The following ABHD18 variants were observed in gnomAD, a reference collection of about 807,000 sequenced individuals.
ABHD18 encodes the protein cardiolipin-specific deacylase, mitochondrial.
A neutral mutation model predicts 65.9 loss-of-function variants in ABHD18; 55 were observed. The ratio of observed to expected loss-of-function variants is 0.84; its 90% CI spans 0.67 to 1.05. The LOEUF is 1.05. Ranked by LOEUF, ABHD18 falls within the 50% of genes least tolerant of loss-of-function variation. The pLI, the probability that ABHD18 is intolerant of heterozygous loss-of-function variation, is 0.00. For synonymous variants in ABHD18, 181 were observed against 180.2 expected (o/e 1.00, Z -0.04); for missense variants, 533 against 558.5 (o/e 0.95, Z 0.46).
At chr4:128,012,563 A>G (rs949060454) in intron 7 of ABHD18, among the ~76,000 whole-genome samples, 2 of 152,202 alleles carry the variant, frequency 1.3e-5, no homozygotes, top group African/African-American at 2.4e-5. Context: ...ATATTTATCA[A>G]TGACCAGTGA....
chr4:127,999,113 A>T (rs1269245616), intron 4 of ABHD18, among the ~76,000 whole-genome samples: 1 of 151,910 alleles, frequency 6.6e-6, no homozygotes. Flanking sequence ...GTGAAACCAC[A>T]TTTCTACTAA....
chr4:127,978,644 ATT>A (rs1408788568), intron 1 of ABHD18, among the ~76,000 whole-genome samples: 3 of 152,194 alleles, frequency 2.0e-5, no homozygotes, highest in Non-Finnish European at 4.4e-5. Flanking sequence ...TTGCATACCA[ATT>A]ATTTGAGGTA....
intron 7 of ABHD18, among the ~76,000 whole-genome samples, chr4:128,014,516 A>G (rs1412768815): frequency 1.3e-5 from 2 of 152,218 alleles, no homozygotes; most frequent in Non-Finnish European, 2.9e-5. Context: ...TCTTCCATGT[A>G]GAAGTGTTGT....
intron 1 of ABHD18, among the ~76,000 whole-genome samples, chr4:127,967,930 TCAAA>T (rs1745977026): frequency 1.3e-5 from 2 of 152,248 alleles, no homozygotes; most frequent in East Asian, 3.9e-4. Context: ...CACACCCCTT[TCAAA>T]CAAACAGCCG....
chr4:128,023,533 A>G (rs1023348329), intron 10 of ABHD18, among the ~76,000 whole-genome samples: 6 of 149,778 alleles, frequency 4.0e-5, no homozygotes, highest in Non-Finnish European at 5.9e-5. Flanking sequence ...GCAGTGAGCT[A>G]TGATTGTGTC....
At position 128,036,823 on chromosome 4, in the gene ABHD18, A is replaced by T. The variant is rs1242927241; in HGVS notation, c.*1010A>T. 1 of 151,802 alleles carries T rather than the reference A, an allele frequency of 6.6e-6. No homozygotes were observed. Among genetic ancestry groups the T allele is most frequent in the Non-Finnish European group, 1.5e-5 (1 of 67,984 alleles). The allele number at this position is 151,802 out of a possible 1,614,324, so 9.4% of individuals were successfully genotyped here. A position where few individuals can be genotyped will look rare whatever the true frequency, so the allele number is the denominator to read the frequency against. On this transcript the variant is annotated 3_prime_UTR_variant, in exon 13 of 13. Transcript: ENST00000645843. ...AACTTTACTAAAGATTAGGGTTTTTAAAAAATGCCAATAGGCCGGGTGCAG... is the reference window on the plus strand; with the variant it reads ...AACTTTACTAAAGATTAGGGTTTTTTAAAAATGCCAATAGGCCGGGTGCAG...
Position 127,966,613 on chromosome 4 carries a change from C to T in ABHD18, c.-18+1007C>T, listed in dbSNP as rs1423974260. On this transcript the variant is annotated intron_variant, in intron 1 of 12. Coordinates refer to ENST00000645843, the MANE Select transcript of ABHD18 (RefSeq NM_001358451.3). ...ATGGTTCATGCCTGTAATCCCAGCA[C>T]CTTGGGAGGCCAAGGCGGGCGGATC... Among the ~76,000 whole-genome samples, 7 of 147,400 alleles carry T rather than the reference C, an allele frequency of 4.7e-5. No homozygotes were observed. The Admixed American group carries it at 4.9e-4, about 10-fold the overall frequency.
At chr4:127,967,923 A>T (rs1745974316) in intron 1 of ABHD18, among the ~76,000 whole-genome samples, 1 of 152,008 alleles carries the variant, frequency 6.6e-6, no homozygotes, top group African/African-American at 2.4e-5. Context: ...ATTTACCCAC[A>T]CCCCTTTCAA....
At chr4:127,993,389 T>C (rs17012845) in intron 4 of ABHD18, among the ~76,000 whole-genome samples, 4,445 of 152,304 alleles carry the variant, frequency 0.029, 201 homozygotes, top group African/African-American at 0.1. Context: ...GTCTCTGCAG[T>C]GGCATATTTT....
intron 4 of ABHD18, among the ~76,000 whole-genome samples, chr4:127,994,751 G>A (rs1751471135): frequency 6.6e-6 from 1 of 152,116 alleles, no homozygotes; most frequent in African/African-American, 2.4e-5. Flanking sequence ...ATATTCCTTT[G>A]AGGATAGTTT....
Position 128,038,891 on chromosome 4 carries a change from CA to C in ABHD18, c.*3080del, listed in dbSNP as rs1759094492. The C allele has an allele frequency of 6.6e-6, 1 of 151,962 alleles. No individual in the cohort carries two copies. Among genetic ancestry groups the C allele is most frequent in the African/African-American group, 2.4e-5 (1 of 41,380 alleles). 9.4% of individuals were successfully genotyped at this position (151,962 alleles called of 1,614,324 possible). A position where few individuals can be genotyped will look rare whatever the true frequency, so the allele number is the denominator to read the frequency against. ...TGCCATTGCACTCCAGCCTGGGCAA[CA>C]AGAGCAAAACTCTGTCTCAAAAAAT... On this transcript the variant is annotated 3_prime_UTR_variant, in exon 13 of 13. Coordinates refer to ENST00000645843, the MANE Select transcript of ABHD18 (RefSeq NM_001358451.3).
At chr4:127,999,948 G>A (rs1752387299) in intron 4 of ABHD18, among the ~76,000 whole-genome samples, 2 of 152,192 alleles carry the variant, frequency 1.3e-5, no homozygotes, top group South Asian at 4.1e-4. Context: ...AACAGTCCAC[G>A]TGGCTGGGAA....
At chr4:128,016,165 G>C (rs1007443664) in intron 7 of ABHD18, among the ~76,000 whole-genome samples, 10 of 151,754 alleles carry the variant, frequency 6.6e-5, no homozygotes, top group South Asian at 4.2e-4. Context: ...TATTGGTCAG[G>C]CTGGTCTCTA....
intron 10 of ABHD18, among the ~76,000 whole-genome samples, chr4:128,025,864 TA>T (rs1757263208): frequency 6.6e-6 from 1 of 152,162 alleles, no homozygotes; most frequent in African/African-American, 2.4e-5. Flanking sequence ...TTTATAAGTT[TA>T]AGAGCAGTTT....
chr4:127,974,172 A>T (rs977882745), intron 1 of ABHD18, among the ~76,000 whole-genome samples: 31 of 145,396 alleles, frequency 2.1e-4, no homozygotes, highest in Non-Finnish European at 2.9e-4. Context: ...TGAAGAGAAT[A>T]TTAACCTTAA....
At chr4:127,977,826 G>T (rs1428392426) in intron 1 of ABHD18, among the ~76,000 whole-genome samples, 1 of 151,886 alleles carries the variant, frequency 6.6e-6, no homozygotes, top group Non-Finnish European at 1.5e-5. Context: ...ACAAAGAAAA[G>T]GAATCTTATG....
chr4:128,013,064 C>CAAAAAAAAAAAAAAAAAAAAAAAAAA (rs1199459823), intron 7 of ABHD18, among the ~76,000 whole-genome samples: 1 of 60,482 alleles, frequency 1.7e-5, no homozygotes, highest in Non-Finnish European at 3.2e-5. Flanking sequence ...GACTCCATCC[C>CAAAAAAAAAAAAAAAAAAAAAAAAAA]AAAAAAAAAA....
rs1756095589 is a variant in ABHD18, at chr4:128,019,432, C to T, written c.610-648C>T. On this transcript the variant is annotated intron_variant, in intron 8 of 12. Transcript: ENST00000645843. ...CCCTATGAGACCCTGTGCATTCTCA[C>T]AGTCTTGCCTTTGATCATACTGATT... Among the ~76,000 whole-genome samples, 6 of 152,198 alleles carry T rather than the reference C, an allele frequency of 3.9e-5. No homozygotes were observed. In the South Asian group the frequency reaches 1.2e-3, roughly 31 times the overall value.
At chr4:128,027,863 T>G (rs1757615872) in intron 10 of ABHD18, among the ~76,000 whole-genome samples, 1 of 152,176 alleles carries the variant, frequency 6.6e-6, no homozygotes, top group Non-Finnish European at 1.5e-5. Flanking sequence ...AAAAAAATGA[T>G]GCAGGCTAAA....
Sources: gnomAD v4.1 joint callset for allele counts (sites outside exome capture counted in the v4.1 genomes callset) on GRCh38, gnomAD v4.1.1 for gene constraint, MANE v1.5 for transcripts, NCBI Gene and HGNC (gene_info 2026-07-23, HGNC 2026-07-21) for gene names.